Variants in TMEM117 observed in about 807,000 individuals in gnomAD.
The protein encoded by TMEM117 is transmembrane protein 117.
A neutral mutation model predicts 52.4 loss-of-function variants in TMEM117; 27 were observed. That is an observed-to-expected ratio of 0.51 (90% confidence interval 0.38 to 0.71). TMEM117 has a LOEUF of 0.71. Ranked by LOEUF, TMEM117 falls within the 30% of genes least tolerant of loss-of-function variation. TMEM117 has a pLI of 0.00. For missense variants in TMEM117, 556 were observed against 630.5 expected (o/e 0.88, Z 1.26); for synonymous variants, 215 against 206.3 (o/e 1.04, Z -0.36).
chr12:44,097,890 G>A (rs1176523060), intron 3 of TMEM117, among the ~76,000 whole-genome samples: 2 of 151,242 alleles, frequency 1.3e-5, no homozygotes, highest in East Asian at 3.9e-4. Flanking sequence ...TAAAAATACA[G>A]TAATCTGGAA....
At chr12:44,173,244 T>A (rs1047092605) in intron 4 of TMEM117, among the ~76,000 whole-genome samples, 5 of 152,164 alleles carry the variant, frequency 3.3e-5, no homozygotes, top group Middle Eastern at 3.4e-3. Flanking sequence ...CCTGGCTAAT[T>A]TTTTGTATTT....
chr12:44,229,516 G>T lies in TMEM117; in HGVS notation c.608+18129G>T, dbSNP rs149462168. ...GTCCAGGTAAATGTACCATGCTACA[G>T]GAAAAGACACACAGCACAGCTTATG... On this transcript the variant is annotated intron_variant, in intron 5 of 7. Coordinates refer to ENST00000266534, the MANE Select transcript of TMEM117 (RefSeq NM_032256.3). Among the ~76,000 whole-genome samples, 173 of 152,208 alleles carry T rather than the reference G, an allele frequency of 1.1e-3. 2 individuals are homozygous for T. In the Middle Eastern group the frequency reaches 0.02, roughly 18 times the overall value.
intron 3 of TMEM117, among the ~76,000 whole-genome samples, chr12:44,137,738 A>G (rs1948512495): frequency 6.6e-6 from 1 of 152,124 alleles, no homozygotes; most frequent in African/African-American, 2.4e-5. Flanking sequence ...CACCATTGCG[A>G]GAAGAGCACA....
intron 5 of TMEM117, among the ~76,000 whole-genome samples, chr12:44,283,548 A>G (rs1950602993): frequency 6.6e-6 from 1 of 152,114 alleles, no homozygotes; most frequent in African/African-American, 2.4e-5. Flanking sequence ...TGTTTTGGCC[A>G]ATTTCTCCCA....
At chr12:44,285,876 G>A (rs934098040) in intron 5 of TMEM117, among the ~76,000 whole-genome samples, 1 of 152,178 alleles carries the variant, frequency 6.6e-6, no homozygotes, top group Non-Finnish European at 1.5e-5. Context: ...ATGAAGGAAA[G>A]CATTCTTCTG....
Position 44,217,061 on chromosome 12 carries a change from C to A in TMEM117, c.608+5674C>A, listed in dbSNP as rs1949727733. ...TACCTCTGACCAGAGAAGAGTTAAT[C>A]AACAAATGATTATTATCTTAATATA... On this transcript the variant is annotated intron_variant, in intron 5 of 7. Transcript: ENST00000266534. Among the ~76,000 whole-genome samples the A allele has an allele frequency of 5.3e-5, 8 of 152,020 alleles. No individual in the cohort carries two copies. In the South Asian group the frequency reaches 1.7e-3, roughly 32 times the overall value.
chr12:44,015,629 T>C (rs1946362824), intron 3 of TMEM117, among the ~76,000 whole-genome samples: 1 of 152,184 alleles, frequency 6.6e-6, no homozygotes, highest in Non-Finnish European at 1.5e-5. Context: ...TACCGACATG[T>C]ACTGGTCCAA....
chr12:44,064,214 A>G lies in TMEM117; in HGVS notation c.411-79311A>G, dbSNP rs188078764. Among the ~76,000 whole-genome samples the G allele has an allele frequency of 1.4e-3, 218 of 152,276 alleles. 2 individuals carry two copies. Among genetic ancestry groups the G allele is most frequent in the African/African-American group, 4.9e-3 (202 of 41,568 alleles). On this transcript the variant is annotated intron_variant, in intron 3 of 7. Transcript: ENST00000266534. ...AGGGAGGAGATGCTTTCTCCTTAAA[A>G]GCCCTAAGAACGGTGTGAATCAGTT...
chr12:44,079,097 C>T (rs567114588), intron 3 of TMEM117, among the ~76,000 whole-genome samples: 210 of 152,128 alleles, frequency 1.4e-3, no homozygotes, highest in African/African-American at 4.8e-3. Context: ...CCACATTTTC[C>T]TTATCCAGCC....
At chr12:44,231,838 C>T (rs888596956) in intron 5 of TMEM117, among the ~76,000 whole-genome samples, 1 of 151,602 alleles carries the variant, frequency 6.6e-6, no homozygotes, top group Non-Finnish European at 1.5e-5. Context: ...ATGCTAATTC[C>T]TTGTCAGTTG....
intron 1 of TMEM117, among the ~76,000 whole-genome samples, chr12:43,841,085 A>T (rs950371081): frequency 4.6e-5 from 7 of 152,210 alleles, no homozygotes; most frequent in Non-Finnish European, 7.3e-5. Flanking sequence ...ATTATTATGT[A>T]AGGGTTTGAA....
intron 3 of TMEM117, among the ~76,000 whole-genome samples, chr12:43,953,189 CA>C (rs898073299): frequency 2.7e-4 from 41 of 152,154 alleles, no homozygotes; most frequent in African/African-American, 9.6e-4. Flanking sequence ...CCAGCTACTA[CA>C]AAAACACACT....
At chr12:44,376,083 C>G (rs1052339778) in intron 6 of TMEM117, among the ~76,000 whole-genome samples, 1 of 152,186 alleles carries the variant, frequency 6.6e-6, no homozygotes, top group Non-Finnish European at 1.5e-5. Flanking sequence ...GTCATTTTTA[C>G]ATTCCGGATG....
rs184055245 is a variant in TMEM117, at chr12:44,094,601, G to A, written c.411-48924G>A. Reference sequence around the variant, plus strand: ...GTTGATAAAAGAGCATAAATCAATCGACACAAATATCCCCTTAAACCTTGT... The same window carrying A: ...GTTGATAAAAGAGCATAAATCAATCAACACAAATATCCCCTTAAACCTTGT... On this transcript the variant is annotated intron_variant, in intron 3 of 7. Coordinates refer to ENST00000266534, the MANE Select transcript of TMEM117 (RefSeq NM_032256.3). 2.3e-4 allele frequency among the ~76,000 whole-genome samples: 35 copies of A among 152,084 alleles called. No homozygotes were observed. In the South Asian group the frequency reaches 4.1e-3, roughly 18 times the overall value.
intron 4 of TMEM117, among the ~76,000 whole-genome samples, chr12:44,209,176 G>A (rs1025692114): frequency 2.8e-4 from 43 of 152,104 alleles, no homozygotes; most frequent in African/African-American, 1.0e-3. Context: ...TCTTCCTCTA[G>A]AGAAGTTACG....
At chr12:43,895,241 A>G (rs947051637) in intron 2 of TMEM117, among the ~76,000 whole-genome samples, 2 of 151,950 alleles carry the variant, frequency 1.3e-5, no homozygotes, top group Non-Finnish European at 2.9e-5. Context: ...CAATAACAAC[A>G]TGAGGTGTTT....
intron 4 of TMEM117, among the ~76,000 whole-genome samples, chr12:44,180,024 T>C (rs1054982312): frequency 1.3e-5 from 2 of 152,124 alleles, no homozygotes; most frequent in African/African-American, 4.8e-5. Flanking sequence ...AGAAGGTTTA[T>C]AACTAACACC....
intron 6 of TMEM117, among the ~76,000 whole-genome samples, chr12:44,347,138 C>T (rs10506246): frequency 0.67 from 101,709 of 151,878 alleles, 35,085 homozygotes; most frequent in East Asian, 0.9. Flanking sequence ...TTGTCTAATC[C>T]TCCACTTAAA....
chr12:44,224,166 C>T (rs575397635), intron 5 of TMEM117, among the ~76,000 whole-genome samples: 1 of 152,118 alleles, frequency 6.6e-6, no homozygotes, highest in East Asian at 1.9e-4. Context: ...ACATGCACAA[C>T]CTCATATATG....
Sources: allele counts gnomAD v4.1 joint callset (sites outside exome capture counted in the v4.1 genomes callset), GRCh38; gene constraint gnomAD v4.1.1; transcripts MANE v1.5; gene names NCBI Gene and HGNC (gene_info 2026-07-23, HGNC 2026-07-21).